The following CDK14 variants were observed in gnomAD, a reference collection of about 807,000 sequenced individuals.
The protein encoded by CDK14 is cyclin-dependent kinase 14.
CDK14 carries 34 observed loss-of-function variants against 60.7 expected under a neutral mutation model. The observed-to-expected ratio is 0.56, with a 90% CI of 0.43 to 0.75. The LOEUF is 0.75. CDK14 is among the 30% of genes least tolerant of loss of function. CDK14 has a pLI of 0.00. For missense variants in CDK14, 482 were observed against 564.1 expected (o/e 0.85, Z 1.47); for synonymous variants, 197 against 203.7 (o/e 0.97, Z 0.28).
intron 4 of CDK14, among the ~76,000 whole-genome samples, chr7:90,750,891 GAA>G (rs1444890632): frequency 6.6e-6 from 1 of 151,654 alleles, no homozygotes; most frequent in Non-Finnish European, 1.5e-5. Context: ...GAAAAAAAAA[GAA>G]AAGAAGAAAA....
chr7:91,141,889 G>C (rs1194850247), intron 14 of CDK14, among the ~76,000 whole-genome samples: 1 of 151,988 alleles, frequency 6.6e-6, no homozygotes, highest in Non-Finnish European at 1.5e-5. Flanking sequence ...GCAGTGGCGT[G>C]ATCTCCGCTC....
chr7:90,872,394 G>A (rs1284487982), intron 6 of CDK14, among the ~76,000 whole-genome samples: 1 of 152,160 alleles, frequency 6.6e-6, no homozygotes, highest in African/African-American at 2.4e-5. Flanking sequence ...TGTAAACATT[G>A]TGGATGACTG....
intron 2 of CDK14, among the ~76,000 whole-genome samples, chr7:90,724,038 C>T (rs1241289534): frequency 1.3e-5 from 2 of 152,140 alleles, no homozygotes; most frequent in Non-Finnish European, 2.9e-5. Context: ...TTTGTTTTAA[C>T]TTCACCAGTG....
At chr7:90,754,995 C>T (rs572338952) in intron 4 of CDK14, among the ~76,000 whole-genome samples, 80 of 152,154 alleles carry the variant, frequency 5.3e-4, no homozygotes, top group African/African-American at 1.9e-3. Context: ...GAAAAGGGAA[C>T]GCTTATACAC....
chr7:91,128,601 C>CA (rs1012243599), intron 14 of CDK14, among the ~76,000 whole-genome samples: 1 of 151,814 alleles, frequency 6.6e-6, no homozygotes, highest in Non-Finnish European at 1.5e-5. Flanking sequence ...AAAACATTGT[C>CA]AAAAAAATGT....
intron 14 of CDK14, among the ~76,000 whole-genome samples, chr7:91,202,410 T>C (rs939153210): frequency 2.0e-5 from 3 of 152,230 alleles, no homozygotes; most frequent in Admixed American, 6.5e-5. Flanking sequence ...TGAGTGGCTA[T>C]GCACATAGTT....
At chr7:90,822,736 AAG>A (rs953059104) in intron 5 of CDK14, among the ~76,000 whole-genome samples, 3 of 152,224 alleles carry the variant, frequency 2.0e-5, no homozygotes, top group Admixed American at 2.0e-4. Context: ...GCAGACACAA[AAG>A]AGCACATAAT....
rs1384318949 is a variant in CDK14 at position 91,076,891 on chromosome 7, G to GA, written c.1106-2534dup. On this transcript the variant is annotated intron_variant, in intron 11 of 14. Coordinates refer to ENST00000380050, the MANE Select transcript of CDK14 (RefSeq NM_001287135.2). ...ACATTTATACAGCCAACAAACATAT[G>GA]AAAAAAAGTTCAACATCACTGATCA... is the stretch of plus-strand genomic sequence containing the variant. Among the ~76,000 whole-genome samples, 6 of 152,200 alleles carry GA rather than the reference G, an allele frequency of 3.9e-5. No homozygotes were observed. In the East Asian group the frequency reaches 9.6e-4, roughly 24 times the overall value.
At chr7:90,783,631 T>G (rs566868509) in intron 4 of CDK14, among the ~76,000 whole-genome samples, 130 of 152,222 alleles carry the variant, frequency 8.5e-4, no homozygotes, top group African/African-American at 3.0e-3. Context: ...TGAATAGACA[T>G]TTCTCAAAAG....
intron 8 of CDK14, among the ~76,000 whole-genome samples, chr7:90,947,297 G>T (rs962005691): frequency 6.6e-6 from 1 of 152,044 alleles, no homozygotes; most frequent in African/African-American, 2.4e-5. Context: ...CTGGACTTTG[G>T]ATCTGCTGGT....
At chr7:90,968,896 G>T (rs1794837057) in intron 9 of CDK14, among the ~76,000 whole-genome samples, 1 of 151,902 alleles carries the variant, frequency 6.6e-6, no homozygotes, top group Non-Finnish European at 1.5e-5. Flanking sequence ...TACCTTGTGA[G>T]CCACTTCATT....
At chr7:91,038,654 C>A (rs1796998658) in intron 10 of CDK14, among the ~76,000 whole-genome samples, 1 of 152,174 alleles carries the variant, frequency 6.6e-6, no homozygotes, top group Non-Finnish European at 1.5e-5. Context: ...CGTGTAAAGG[C>A]CTTGTATCCA....
chr7:90,624,128 C>T (rs997379545), intron 2 of CDK14, among the ~76,000 whole-genome samples: 6 of 152,304 alleles, frequency 3.9e-5, no homozygotes, highest in Non-Finnish European at 7.3e-5. Context: ...AAATTGTACT[C>T]AGGGAAGGTA....
Position 90,899,323 on chromosome 7 carries a change from C to T in CDK14, c.672C>T (p.His224=), listed in dbSNP as rs747845379. Residue 224 remains histidine, a synonymous_variant, in exon 7 of 15, where the codon CAC becomes CAT. Coordinates refer to ENST00000380050, the MANE Select transcript of CDK14 (RefSeq NM_001287135.2). ...ATTTATGTCAGTACATGGACAAGCA[C>T]CCTGGGGGGCTGCATCCAGATAATG... ...HTDLCQYMDK[H]PGGLHPDNVK... 2.9e-5 allele frequency: 47 copies of T among 1,602,428 alleles called. No individual in the cohort carries two copies. The African/African-American group carries it at 5.7e-4, about 19-fold the overall frequency.
chr7:90,698,084 A>AAAAAAG (rs1563048806), intron 2 of CDK14, among the ~76,000 whole-genome samples: 1 of 145,954 alleles, frequency 6.9e-6, no homozygotes, highest in African/African-American at 2.5e-5. Flanking sequence ...AAAAAAAAAA[A>AAAAAAG]AAAAAGAAAA....
intron 5 of CDK14, among the ~76,000 whole-genome samples, chr7:90,792,764 A>G (rs1584897656): frequency 6.6e-6 from 1 of 152,156 alleles, no homozygotes; most frequent in South Asian, 2.1e-4. Context: ...CTACTCTGTT[A>G]GCCGTATAAT....
At chr7:91,164,298 T>C (rs933750416) in intron 14 of CDK14, among the ~76,000 whole-genome samples, 4 of 152,132 alleles carry the variant, frequency 2.6e-5, no homozygotes, top group African/African-American at 9.7e-5. Context: ...GAAATAATAA[T>C]TACAATAATT....
At chr7:90,712,289 A>G (rs1443126702) in intron 2 of CDK14, among the ~76,000 whole-genome samples, 1 of 151,934 alleles carries the variant, frequency 6.6e-6, no homozygotes. Flanking sequence ...CTCTCATTAA[A>G]TAGTAACTCC....
At chr7:90,814,666 C>T (rs1418730137) in intron 5 of CDK14, among the ~76,000 whole-genome samples, 1 of 152,128 alleles carries the variant, frequency 6.6e-6, no homozygotes, top group Admixed American at 6.5e-5. Flanking sequence ...CCTGTAATCG[C>T]AGCTACTAGG....
Sources: allele counts gnomAD v4.1 joint callset (sites outside exome capture counted in the v4.1 genomes callset), GRCh38; gene constraint gnomAD v4.1.1; transcripts MANE v1.5; gene names NCBI Gene and HGNC (gene_info 2026-07-23, HGNC 2026-07-21).